PLEKHG5: variants seen among roughly 807,000 people sequenced by gnomAD.
PLEKHG5 encodes pleckstrin homology and RhoGEF domain containing G5.
PLEKHG5 carries 52 observed loss-of-function variants against 103.8 expected under a neutral mutation model. The ratio of observed to expected loss-of-function variants is 0.50; its 90% confidence interval spans 0.40 to 0.63. PLEKHG5 has a LOEUF of 0.63. Ranked by LOEUF, PLEKHG5 falls within the 30% of genes least tolerant of loss-of-function variation. PLEKHG5 has a pLI of 0.00. For synonymous variants in PLEKHG5, 592 were observed against 575.5 expected (o/e 1.03, Z -0.41); for missense variants, 1,205 against 1,347.6 (o/e 0.89, Z 1.66).
rs1017738220 is a variant in PLEKHG5 at position 6,468,284 on chromosome 1, G to T, written c.2552C>A (p.Ser851Tyr). Residue 851 changes from serine (S) to tyrosine (Y), a missense_variant, in exon 20 of 21, where the codon TCC (serine) becomes TAC (tyrosine). Ser to Tyr is a moderately radical substitution (Grantham distance 144, BLOSUM62 -2). Coordinates refer to ENST00000377728, the MANE Select transcript of PLEKHG5 (RefSeq NM_020631.6). ...GCGGAGACGGGGCGAGGGTGGAGGGGAAGGAACTCGTGGGGACTCTGGGGC... is the reference window on the plus strand; with the variant it reads ...GCGGAGACGGGGCGAGGGTGGAGGGTAAGGAACTCGTGGGGACTCTGGGGC... ...PRAPESPRVP[S>Y]PPPSPRLRRR... 1 of 1,608,752 alleles carries T rather than the reference G, an allele frequency of 6.2e-7. No homozygotes were observed. The highest frequency in any genetic ancestry group is 1.3e-5 in the African/African-American group (1 of 74,892).
intron 7 of PLEKHG5, among the ~76,000 whole-genome samples, 154 bp from the exon 8 acceptor site, chr1:6,473,608 TCTGGAGA>T (rs972770923): frequency 6.6e-6 from 1 of 152,056 alleles, no homozygotes; most frequent in Non-Finnish European, 1.5e-5. Context: ...CCCAGACATA[TCTGGAGA>T]CTGGAAGGTC....
intron 1 of PLEKHG5, among the ~76,000 whole-genome samples, chr1:6,513,610 G>C (rs1274870977): frequency 6.6e-6 from 1 of 152,238 alleles, no homozygotes; most frequent in Non-Finnish European, 1.5e-5. Context: ...CAGACAAACT[G>C]AGAGACTGGG....
intron 1 of PLEKHG5, among the ~76,000 whole-genome samples, chr1:6,514,905 T>C (rs1638573669): frequency 6.8e-6 from 1 of 147,940 alleles, no homozygotes. Context: ...CCAACTCTAT[T>C]AAAAATACAA....
chr1:6,481,862 T>TAA (rs202091933), intron 1 of PLEKHG5, among the ~76,000 whole-genome samples: 1,799 of 137,226 alleles, frequency 0.013, 34 homozygotes, highest in African/African-American at 0.044. Context: ...GACATTATCT[T>TAA]AAAAAAAAAA....
At chr1:6,474,428 A>G (rs755284437) in intron 6 of PLEKHG5, 23 bp downstream of exon 6, 2 of 1,613,398 alleles carry the variant, frequency 1.2e-6, no homozygotes, top group East Asian at 2.2e-5. Flanking sequence ...CAGCGGCCCC[A>G]TTTGGCCCAG....
intron 1 of PLEKHG5, among the ~76,000 whole-genome samples, chr1:6,504,388 C>T (rs531793384): frequency 3.3e-5 from 5 of 152,064 alleles, no homozygotes; most frequent in African/African-American, 7.2e-5. Flanking sequence ...CTTCTGCGCA[C>T]GTCCCGATGG....
chr1:6,468,073 C>G lies in PLEKHG5; in HGVS notation c.2763G>C (p.Gln921His). 1 of 1,581,340 alleles carries G rather than the reference C, an allele frequency of 6.3e-7. No homozygotes were observed. The highest frequency in any genetic ancestry group is 8.6e-7 in the Non-Finnish European group (1 of 1,165,696). The change falls in exon 20 of 21, where the codon CAG becomes CAC. Residue 921 changes from glutamine to histidine, a missense_variant. Gln to His is a conservative substitution (Grantham distance 24). Coordinates refer to ENST00000377728, the MANE Select transcript of PLEKHG5 (RefSeq NM_020631.6). Reference sequence around the variant, plus strand: ...GGCAATCCCAGCTGGGCCCAGCTTCCTGAGGGGAGCCCTGAGTCCTAATAC... The same window carrying G: ...GGCAATCCCAGCTGGGCCCAGCTTCGTGAGGGGAGCCCTGAGTCCTAATAC... ...APGIRTQGSP[Q>H]EAGPSWDCRG...
chr1:6,480,550 G>A (rs1352145157), intron 1 of PLEKHG5, among the ~76,000 whole-genome samples: 3 of 151,720 alleles, frequency 2.0e-5, no homozygotes, highest in Admixed American at 2.0e-4. Flanking sequence ...AATTAGCCAG[G>A]CATGGTGATG....
At chr1:6,497,222 C>G, upstream of PLEKHG5, 1 of 864,376 alleles carries the variant, frequency 1.2e-6, no homozygotes, top group Non-Finnish European at 1.9e-6. The surrounding 1 kb of genome is among the most constrained non-coding windows in gnomAD (Gnocchi z 6.1). Context: ...CGGCGCCCAC[C>G]CCCTTGCCTG....
At chr1:6,494,364 C>G (rs534350112), upstream of PLEKHG5, among the ~76,000 whole-genome samples, 4 of 151,934 alleles carry the variant, frequency 2.6e-5, no homozygotes, top group Admixed American at 2.0e-4. Context: ...CTCCTGAGCT[C>G]AGGCAATCTG....
chr1:6,519,642 C>A, exon 1 of PLEKHG5: 1 of 745,654 alleles, frequency 1.3e-6, no homozygotes. Flanking sequence ...GAAGGCTTCT[C>A]CCCGACTCAG....
upstream of PLEKHG5, chr1:6,496,792 G>A (rs900067388): frequency 5.5e-6 from 3 of 548,278 alleles, no homozygotes; most frequent in Admixed American, 3.7e-5. Flanking sequence ...ATTCCACGGG[G>A]AGAAAACATC....
chr1:6,513,049 C>T (rs1482771997), intron 1 of PLEKHG5, among the ~76,000 whole-genome samples: 1 of 152,202 alleles, frequency 6.6e-6, no homozygotes, highest in East Asian at 1.9e-4. Flanking sequence ...CCTGGGGCCC[C>T]GCCCACCCAC....
At position 6,474,802 on chromosome 1, in the gene PLEKHG5, T is replaced by C. The variant is rs1644711187; in HGVS notation, c.303-215A>G. ...GCATCTGCATACCACGGCAGACCTG[T>C]CACACGCCTGCCCACACGCAGGCCT... On this transcript the variant is annotated intron_variant, in intron 5 of 20. Coordinates refer to ENST00000377728, the MANE Select transcript of PLEKHG5 (RefSeq NM_020631.6). 8 of 659,138 alleles carry C rather than the reference T, an allele frequency of 1.2e-5. No homozygotes were observed. In the South Asian group the frequency reaches 1.4e-4, roughly 11 times the overall value. The allele number at this position is 659,138 out of a possible 1,614,324, so 40.8% of individuals were successfully genotyped here.
At chr1:6,502,329 C>A (rs1240594760) in intron 1 of PLEKHG5, among the ~76,000 whole-genome samples, 1 of 152,264 alleles carries the variant, frequency 6.6e-6, no homozygotes. Flanking sequence ...GAAGTAGGGA[C>A]CCAGCTGCAG....
intron 1 of PLEKHG5, among the ~76,000 whole-genome samples, chr1:6,489,904 A>G (rs951488133): frequency 3.3e-5 from 5 of 152,180 alleles, no homozygotes; most frequent in African/African-American, 1.2e-4. Context: ...AGGAATCTGC[A>G]GGGGACCTCT....
In PLEKHG5 at chr1:6,519,628, C is replaced by T. The variant is rs1638719814; in HGVS notation, c.-348G>A. Reference sequence around the variant, plus strand: ...CTGCTTTGCCCAGTTGCCATCTCAACATGGAAGGCTTCTCCCCGACTCAGC... The same window carrying T: ...CTGCTTTGCCCAGTTGCCATCTCAATATGGAAGGCTTCTCCCCGACTCAGC... On this transcript the variant is annotated 5_prime_UTR_variant, in exon 1 of 22. Coordinates refer to the PLEKHG5 transcript ENST00000377740. 6 of 798,744 alleles carry T rather than the reference C, an allele frequency of 7.5e-6. No homozygotes were observed. The Admixed American group carries it at 1.1e-4, about 15-fold the overall frequency. The allele number at this position is 798,744 out of a possible 1,614,324, so 49.5% of individuals were successfully genotyped here.
Position 6,468,157 on chromosome 1 carries a change from C to T in PLEKHG5, c.2679G>A (p.Gly893=). The part of the protein sequence containing the change: ...LQLLAGAGTH[G]TPSAPSRSLS... ...GGCTGCGGCTGGGGGCAGAGGGTGT[C>T]CCATGGGTGCCAGCCCCTGCCAGCA... Residue 893 remains glycine, a synonymous_variant, in exon 20 of 21, where the codon GGG becomes GGA. Transcript: ENST00000377728. 1.3e-6 allele frequency: 2 copies of T among 1,569,568 alleles called. No individual in the cohort carries two copies. Among genetic ancestry groups the T allele is most frequent in the Admixed American group, 3.6e-5 (2 of 55,986 alleles).
rs1443660105 is a variant in PLEKHG5 at position 6,486,516 on chromosome 1, G to A, written c.-88+5121C>T. 6.6e-6 allele frequency among the ~76,000 whole-genome samples: 1 copy of A among 152,254 alleles called. No individual in the cohort carries two copies. The highest frequency in any genetic ancestry group is 1.5e-5 in the Non-Finnish European group (1 of 68,050). On this transcript the variant is annotated intron_variant, in intron 1 of 20. Coordinates refer to ENST00000377728, the MANE Select transcript of PLEKHG5 (RefSeq NM_020631.6). The surrounding 1 kb of genome is among the most constrained non-coding windows in gnomAD (Gnocchi z 5.3). ...TGGAAAGGGCCGTGGGCAGAAGGCG[G>A]GCTGCTCTGAGAGGCTATCCTTGGC...
Sources: gnomAD v4.1 joint callset for allele counts (sites outside exome capture counted in the v4.1 genomes callset) on GRCh38, gnomAD v4.1.1 for gene constraint, Gnocchi (gnomAD v3.1) non-coding constraint, MANE v1.5 for transcripts, NCBI Gene and HGNC (gene_info 2026-07-23, HGNC 2026-07-21) for gene names.